The following KAZN variants were observed in gnomAD, a reference collection of about 807,000 sequenced individuals.
The protein encoded by KAZN is kazrin.
KAZN carries 40 observed loss-of-function variants against 87.4 expected under a neutral mutation model. The observed-to-expected ratio is 0.46, with a 90% CI of 0.36 to 0.60. KAZN has a LOEUF of 0.60. Among genes scored for constraint, KAZN ranks in the 20% least tolerant of loss-of-function variants. The probability of loss-of-function intolerance (pLI) is 0.00; values close to 1 mark genes in which losing one functional copy is unlikely to be tolerated. For synonymous variants in KAZN, 466 were observed against 458.3 expected (o/e 1.02, Z -0.22); for missense variants, 898 against 1,073.9 (o/e 0.84, Z 2.29).
At chr1:14,951,831 A>G (rs10927592) in intron 1 of KAZN, among the ~76,000 whole-genome samples, 31,010 of 152,072 alleles carry the variant, frequency 0.2, 3,333 homozygotes, top group Middle Eastern at 0.23. Context: ...CCTTATTTTT[A>G]GGATAAGCAT....
intron 4 of KAZN, among the ~76,000 whole-genome samples, chr1:15,047,948 C>CT (rs1426809274): frequency 6.6e-6 from 1 of 152,186 alleles, no homozygotes; most frequent in African/African-American, 2.4e-5. Context: ...TTACTTGCCC[C>CT]TTACCCAGGG....
At chr1:14,089,528 G>A (rs1643926898) in intron 1 of KAZN, among the ~76,000 whole-genome samples, 1 of 152,140 alleles carries the variant, frequency 6.6e-6, no homozygotes, top group Admixed American at 6.5e-5. Flanking sequence ...TCAAATAATA[G>A]GATATTGTCA....
chr1:14,201,328 T>C (rs55635659), intron 2 of KAZN, among the ~76,000 whole-genome samples: 5,303 of 152,356 alleles, frequency 0.035, 139 homozygotes, highest in Middle Eastern at 0.058. Flanking sequence ...TGTTTATCAG[T>C]TGATATTAGT....
intron 1 of KAZN, among the ~76,000 whole-genome samples, chr1:14,649,235 G>T (rs966412791): frequency 3.3e-5 from 5 of 152,214 alleles, no homozygotes; most frequent in Admixed American, 2.0e-4. Context: ...CTTCCAGAAG[G>T]CCGAATCCAC....
chr1:15,015,764 C>A (rs111450666), intron 2 of KAZN, among the ~76,000 whole-genome samples: 3 of 152,248 alleles, frequency 2.0e-5, no homozygotes, highest in African/African-American at 7.2e-5. Context: ...TGGGCACAGT[C>A]CCCCTTGGAC....
intron 1 of KAZN, among the ~76,000 whole-genome samples, chr1:14,146,925 A>C (rs552250406): frequency 3.4e-4 from 52 of 152,152 alleles, no homozygotes; most frequent in South Asian, 1.7e-3. Context: ...CGCTTCTTCC[A>C]CTTCTGTCAC....
At chr1:14,808,564 C>A (rs1646302974) in intron 1 of KAZN, among the ~76,000 whole-genome samples, 1 of 151,944 alleles carries the variant, frequency 6.6e-6, no homozygotes, top group Admixed American at 6.6e-5. Context: ...TCCTAAAGTG[C>A]TGGGATCACA....
At chr1:14,016,206 A>G (rs1640564200) in intron 1 of KAZN, among the ~76,000 whole-genome samples, 1 of 152,204 alleles carries the variant, frequency 6.6e-6, no homozygotes, top group Non-Finnish European at 1.5e-5. Flanking sequence ...TTAAATAAAA[A>G]GGACAATGTA....
At chr1:14,130,608 A>AT (rs1416406438) in intron 1 of KAZN, among the ~76,000 whole-genome samples, 7 of 142,286 alleles carry the variant, frequency 4.9e-5, no homozygotes, top group Non-Finnish European at 9.0e-5. Flanking sequence ...CAAAATAATA[A>AT]TTAGGCTTGT....
intron 2 of KAZN, among the ~76,000 whole-genome samples, chr1:15,034,149 A>G (rs1380093032): frequency 6.6e-6 from 1 of 152,232 alleles, no homozygotes; most frequent in Non-Finnish European, 1.5e-5. Flanking sequence ...ATTTTCTCCC[A>G]TTCTATGAGT....
At chr1:14,539,468 C>CTTAGTTTTGA (rs1672683219) in intron 2 of KAZN, among the ~76,000 whole-genome samples, 1 of 152,080 alleles carries the variant, frequency 6.6e-6, no homozygotes, top group Admixed American at 6.6e-5. Flanking sequence ...GACAAATGTA[C>CTTAGTTTTGA]CATGGTTCTG....
intron 2 of KAZN, among the ~76,000 whole-genome samples, chr1:14,236,440 C>T (rs1040439948): frequency 6.6e-6 from 1 of 152,190 alleles, no homozygotes; most frequent in Non-Finnish European, 1.5e-5. Context: ...AATCCATTCT[C>T]TTCCTTTCAT....
At chr1:14,247,020 T>A (rs2100597866) in intron 2 of KAZN, among the ~76,000 whole-genome samples, 1 of 152,288 alleles carries the variant, frequency 6.6e-6, no homozygotes, top group East Asian at 1.9e-4. Context: ...AGCTTCCAAT[T>A]TTGTTCACAT....
At chr1:14,774,392 G>A (rs554667765) in intron 1 of KAZN, among the ~76,000 whole-genome samples, 54 of 151,476 alleles carry the variant, frequency 3.6e-4, no homozygotes, top group Middle Eastern at 6.8e-3. Context: ...ATGGTTCTCC[G>A]CTTATCTCCT....
chr1:14,071,710 G>A lies in KAZN; in HGVS notation c.92-108725G>A, dbSNP rs7355068. Among the ~76,000 whole-genome samples, 956 of 152,282 alleles carry A rather than the reference G, an allele frequency of 6.3e-3. 3 individuals are homozygous for A. Among genetic ancestry groups the A allele is most frequent in the Non-Finnish European group, 9.6e-3 (655 of 68,022 alleles). On this transcript the variant is annotated intron_variant, in intron 1 of 16. Transcript: ENST00000636203. ...GCAATCTCTCCCAAGGAGCTCTGGTGGAAGGGCATGAAGGATGTGGTGCTT... is the reference window on the plus strand; with the variant it reads ...GCAATCTCTCCCAAGGAGCTCTGGTAGAAGGGCATGAAGGATGTGGTGCTT...
intron 1 of KAZN, among the ~76,000 whole-genome samples, chr1:14,094,773 C>T (rs2101628550): frequency 6.6e-6 from 1 of 152,212 alleles, no homozygotes; most frequent in South Asian, 2.1e-4. Flanking sequence ...TCAGTGAGCA[C>T]AGTGACAGCT....
At chr1:13,950,236 T>G (rs989735748) in intron 1 of KAZN, among the ~76,000 whole-genome samples, 1 of 150,590 alleles carries the variant, frequency 6.6e-6, no homozygotes, top group African/African-American at 2.4e-5. Flanking sequence ...TCCTGCACAA[T>G]GCTTCCTTGG....
intron 1 of KAZN, chr1:14,924,032 G>A (rs1658844667): frequency 1.2e-6 from 1 of 856,514 alleles, no homozygotes; most frequent in Non-Finnish European, 1.4e-6. Context: ...ACTGGGGCCA[G>A]TCTGGGCGCC....
chr1:14,273,701 C>T (rs1352116513), intron 2 of KAZN, among the ~76,000 whole-genome samples: 2 of 152,210 alleles, frequency 1.3e-5, no homozygotes, highest in Non-Finnish European at 2.9e-5. Context: ...AGATGCCAGA[C>T]CATCTTTCCT....
Sources: allele counts gnomAD v4.1 joint callset (sites outside exome capture counted in the v4.1 genomes callset), GRCh38; gene constraint gnomAD v4.1.1; transcripts MANE v1.5; gene names NCBI Gene and HGNC (gene_info 2026-07-23, HGNC 2026-07-21).